PDE4D: variants seen among roughly 807,000 people sequenced by gnomAD.
PDE4D encodes the protein phosphodiesterase 4D, also known as 3',5'-cyclic-AMP phosphodiesterase 4D.
A neutral mutation model predicts 87.4 loss-of-function variants in PDE4D; 24 were observed. The observed-to-expected ratio is 0.27, with a 90% CI of 0.20 to 0.39. PDE4D has a LOEUF of 0.39. Among genes scored for constraint, PDE4D ranks in the 10% least tolerant of loss-of-function variants. PDE4D has a pLI of 1.00. For synonymous variants in PDE4D, 384 were observed against 383.2 expected, an observed-to-expected ratio of 1.00 and a Z score of -0.02; for missense variants, 714 against 1,041.0, an observed-to-expected ratio of 0.69 and a Z score of 4.32.
chr5:60,183,772 G>T (rs1010619758), intron 2 of PDE4D, among the ~76,000 whole-genome samples: 12 of 152,248 alleles, frequency 7.9e-5, no homozygotes, highest in African/African-American at 2.9e-4. Context: ...TACAATTTTG[G>T]ATTATATTAT....
At chr5:59,127,028 T>C (rs1775503299) in intron 5 of PDE4D, among the ~76,000 whole-genome samples, 1 of 152,214 alleles carries the variant, frequency 6.6e-6, no homozygotes, top group Non-Finnish European at 1.5e-5. Context: ...CCAAGACATT[T>C]TCCAGTCCAG....
chr5:60,011,984 G>C (rs1287384370), intron 2 of PDE4D, among the ~76,000 whole-genome samples: 1 of 152,080 alleles, frequency 6.6e-6, no homozygotes, highest in Admixed American at 6.6e-5. Flanking sequence ...TACTGACCAT[G>C]ACAGCCACTA....
chr5:59,356,630 T>C, intron 1 of PDE4D: 1 of 705,390 alleles, frequency 1.4e-6, no homozygotes, highest in East Asian at 3.3e-5. Context: ...TTCTTGGCTC[T>C]TATTTAATAT....
At chr5:59,212,259 G>A (rs373387004) in intron 2 of PDE4D, among the ~76,000 whole-genome samples, 30 of 152,192 alleles carry the variant, frequency 2.0e-4, no homozygotes, top group African/African-American at 6.0e-4. Flanking sequence ...GATATGTGTC[G>A]TGTCAGATTA....
chr5:59,299,813 T>TA (rs1043255410), intron 1 of PDE4D, among the ~76,000 whole-genome samples: 12 of 151,322 alleles, frequency 7.9e-5, no homozygotes, highest in African/African-American at 2.4e-4. Context: ...AACACTGGAA[T>TA]AAAAAAAAAT....
chr5:59,085,327 ATTG>A (rs1400427745), intron 5 of PDE4D, among the ~76,000 whole-genome samples: 1 of 152,130 alleles, frequency 6.6e-6, no homozygotes, highest in Non-Finnish European at 1.5e-5. Flanking sequence ...GTATAATCTC[ATTG>A]TTGTTAGTAA....
At chr5:60,107,728 A>C (rs934833880) in intron 2 of PDE4D, among the ~76,000 whole-genome samples, 32 of 152,110 alleles carry the variant, frequency 2.1e-4, no homozygotes, top group Admixed American at 6.6e-4. Flanking sequence ...AAATGTAATC[A>C]AGCATATAAA....
At chr5:60,494,192 G>A (rs1482684589) in intron 1 of PDE4D, among the ~76,000 whole-genome samples, 5 of 152,224 alleles carry the variant, frequency 3.3e-5, no homozygotes, top group Admixed American at 3.3e-4. Flanking sequence ...GGCCTGGCAA[G>A]GAGTTGAATG....
intron 2 of PDE4D, among the ~76,000 whole-genome samples, chr5:60,108,465 C>T (rs1246362086): frequency 2.0e-5 from 3 of 152,170 alleles, no homozygotes; most frequent in Non-Finnish European, 4.4e-5. Flanking sequence ...ATGCCATCCC[C>T]ATCAAGCTAC....
intron 1 of PDE4D, among the ~76,000 whole-genome samples, chr5:60,249,583 A>C (rs1748195089): frequency 6.6e-6 from 1 of 152,050 alleles, no homozygotes; most frequent in African/African-American, 2.4e-5. Context: ...ATTACTGCTC[A>C]GCTGTAAGAA....
chr5:59,546,893 G>A (rs1188117167), intron 1 of PDE4D, among the ~76,000 whole-genome samples: 1 of 151,918 alleles, frequency 6.6e-6, no homozygotes, highest in Non-Finnish European at 1.5e-5. Flanking sequence ...ATCTGAACTG[G>A]GTGAGTATAC....
intron 1 of PDE4D, among the ~76,000 whole-genome samples, chr5:59,236,517 T>A (rs1368711043): frequency 6.6e-6 from 1 of 152,206 alleles, no homozygotes; most frequent in Non-Finnish European, 1.5e-5. Flanking sequence ...CTATTTGATG[T>A]GTTGTCAGGT....
chr5:60,173,881 T>C (rs1783693579), intron 2 of PDE4D, among the ~76,000 whole-genome samples: 1 of 152,116 alleles, frequency 6.6e-6, no homozygotes, highest in Non-Finnish European at 1.5e-5. Flanking sequence ...TGCCCACAAA[T>C]ACATGCAGTA....
chr5:60,419,895 G>A (rs748810070), intron 1 of PDE4D, among the ~76,000 whole-genome samples: 4 of 152,178 alleles, frequency 2.6e-5, no homozygotes, highest in South Asian at 2.1e-4. Flanking sequence ...GACAAAAAGA[G>A]CTGGAGTCTG....
intron 1 of PDE4D, among the ~76,000 whole-genome samples, chr5:60,187,166 G>T (rs1784847546): frequency 6.6e-6 from 1 of 152,156 alleles, no homozygotes; most frequent in Non-Finnish European, 1.5e-5. Flanking sequence ...AATGTGAGTT[G>T]CTAAGATAAA....
At chr5:60,112,394 G>A (rs1777769624) in intron 2 of PDE4D, among the ~76,000 whole-genome samples, 1 of 151,966 alleles carries the variant, frequency 6.6e-6, no homozygotes, top group Non-Finnish European at 1.5e-5. Context: ...ACTGTGTGGG[G>A]TCGTATGGGG....
chr5:60,337,382 T>TACACACACACAC (rs1184568544), intron 1 of PDE4D, among the ~76,000 whole-genome samples: 1 of 116,536 alleles, frequency 8.6e-6, no homozygotes, highest in African/African-American at 3.9e-5. Context: ...TATATATATA[T>TACACACACACAC]ATATATACAC....
At chr5:59,917,227 T>C (rs1462475060) in intron 3 of PDE4D, among the ~76,000 whole-genome samples, 1 of 152,136 alleles carries the variant, frequency 6.6e-6, no homozygotes, top group Non-Finnish European at 1.5e-5. Context: ...TAGAGCATGA[T>C]ACTAATGAAA....
chr5:59,453,464 T>C (rs1431425412), intron 1 of PDE4D, among the ~76,000 whole-genome samples: 1 of 152,238 alleles, frequency 6.6e-6, no homozygotes, highest in African/African-American at 2.4e-5. Context: ...AGCCAAGTTG[T>C]GAATGCAAAA....
Sources: gnomAD v4.1 joint callset for allele counts (sites outside exome capture counted in the v4.1 genomes callset) on GRCh38, gnomAD v4.1.1 for gene constraint, MANE v1.5 for transcripts, NCBI Gene and HGNC (gene_info 2026-07-23, HGNC 2026-07-21) for gene names.